SEMA5A: variants seen among roughly 807,000 people sequenced by gnomAD.
The protein encoded by SEMA5A is semaphorin-5A.
SEMA5A carries 55 observed loss-of-function variants against 135.5 expected under a neutral mutation model. The ratio of observed to expected loss-of-function variants is 0.41; its 90% CI spans 0.33 to 0.51. The LOEUF (loss-of-function observed/expected upper bound fraction) is 0.51, where lower values mean the gene tolerates loss of function less well. Among genes scored for constraint, SEMA5A ranks in the 20% least tolerant of loss-of-function variants. SEMA5A has a pLI of 0.37. For missense variants in SEMA5A, 1,290 were observed against 1,419.9 expected (o/e 0.91, Z 1.47); for synonymous variants, 580 against 546.5 (o/e 1.06, Z -0.85).
At chr5:9,362,220 C>A (rs1238830873) in intron 3 of SEMA5A, among the ~76,000 whole-genome samples, 1 of 152,194 alleles carries the variant, frequency 6.6e-6, no homozygotes, top group African/African-American at 2.4e-5. Flanking sequence ...TCTCCCATCC[C>A]TGAGCATGTT....
intron 8 of SEMA5A, among the ~76,000 whole-genome samples, chr5:9,213,625 C>T (rs557208385): frequency 6.6e-6 from 1 of 152,244 alleles, no homozygotes; most frequent in Admixed American, 6.5e-5. Context: ...TACCTGCTGC[C>T]CATTTTGTGA....
At chr5:9,498,351 G>T (rs1243682065) in intron 1 of SEMA5A, 1 of 152,086 alleles carries the variant, frequency 6.6e-6, no homozygotes, top group Non-Finnish European at 1.5e-5. Flanking sequence ...CACCACGAGG[G>T]GAAAAGGACT....
intron 1 of SEMA5A, among the ~76,000 whole-genome samples, chr5:9,491,379 T>C (rs1434348462): frequency 6.6e-6 from 1 of 152,118 alleles, no homozygotes; most frequent in Admixed American, 6.6e-5. Flanking sequence ...TGAACCCTAA[T>C]GTAAACTATG....
intron 3 of SEMA5A, among the ~76,000 whole-genome samples, chr5:9,362,220 C>T (rs1238830873): frequency 6.6e-6 from 1 of 152,194 alleles, no homozygotes; most frequent in Non-Finnish European, 1.5e-5. Flanking sequence ...TCTCCCATCC[C>T]TGAGCATGTT....
At chr5:9,230,265 G>T (rs1194395110) in intron 6 of SEMA5A, among the ~76,000 whole-genome samples, 1 of 146,580 alleles carries the variant, frequency 6.8e-6, no homozygotes, top group Non-Finnish European at 1.5e-5. Context: ...CTCCCAAAGT[G>T]CTGGGATTGC....
intron 5 of SEMA5A, among the ~76,000 whole-genome samples, chr5:9,263,582 C>T (rs902430037): frequency 6.6e-6 from 1 of 152,206 alleles, no homozygotes; most frequent in Non-Finnish European, 1.5e-5. Context: ...GTCAAGAAGA[C>T]TGGGGACCAC....
At chr5:9,165,430 GT>G (rs1743549122) in intron 11 of SEMA5A, among the ~76,000 whole-genome samples, 1 of 152,108 alleles carries the variant, frequency 6.6e-6, no homozygotes, top group Non-Finnish European at 1.5e-5. Flanking sequence ...TTTTGTTATA[GT>G]TTAAGGTATT....
chr5:9,457,294 A>G (rs1758875818), intron 1 of SEMA5A, among the ~76,000 whole-genome samples: 1 of 152,234 alleles, frequency 6.6e-6, no homozygotes, highest in Non-Finnish European at 1.5e-5. Flanking sequence ...ACCATGATCT[A>G]AGTTCAAACC....
At position 9,035,109 on chromosome 5, in the gene SEMA5A, CA is replaced by C. The variant is rs1195781833; in HGVS notation, c.*7787del. 1 of 152,478 alleles carries C rather than the reference CA, an allele frequency of 6.6e-6. No homozygotes were observed. The highest frequency in any genetic ancestry group is 1.5e-5 in the Non-Finnish European group (1 of 68,012). The allele number at this position is 152,478 out of a possible 1,614,324, so 9.4% of individuals were successfully genotyped here. On this transcript the variant is annotated 3_prime_UTR_variant, in exon 23 of 23. Transcript: ENST00000382496. Reference sequence around the variant, plus strand: ...AAACTATTTACATAAAACATAAGTACAAAAAATATAATACAATTTATACTGT... The same window carrying C: ...AAACTATTTACATAAAACATAAGTACAAAAATATAATACAATTTATACTGT...
chr5:9,190,990 G>A (rs554188759), intron 10 of SEMA5A, among the ~76,000 whole-genome samples: 1 of 152,244 alleles, frequency 6.6e-6, no homozygotes, highest in South Asian at 2.1e-4. Flanking sequence ...GCATTCACAT[G>A]GGCTACAAAA....
chr5:9,140,227 T>C (rs1012513494), intron 12 of SEMA5A, among the ~76,000 whole-genome samples: 4 of 152,244 alleles, frequency 2.6e-5, no homozygotes, highest in Non-Finnish European at 4.4e-5. Context: ...ATCAGTCTCA[T>C]TGAATAAAAC....
intron 13 of SEMA5A, among the ~76,000 whole-genome samples, chr5:9,131,474 G>C (rs905895126): frequency 1.3e-5 from 2 of 151,790 alleles, no homozygotes; most frequent in African/African-American, 4.8e-5. Flanking sequence ...CGGGTGTGGT[G>C]GTGGGCACCT....
chr5:9,183,673 C>T (rs925705572), intron 11 of SEMA5A, among the ~76,000 whole-genome samples: 2 of 152,332 alleles, frequency 1.3e-5, no homozygotes, highest in South Asian at 4.1e-4. Context: ...CATTATGCTC[C>T]ATTGCACCCC....
chr5:9,484,629 T>A (rs938940040), intron 1 of SEMA5A, among the ~76,000 whole-genome samples: 2 of 152,232 alleles, frequency 1.3e-5, no homozygotes, highest in African/African-American at 4.8e-5. Context: ...TTAATCATTA[T>A]AAATGCCATC....
intron 3 of SEMA5A, among the ~76,000 whole-genome samples, chr5:9,374,928 C>T (rs1221916309): frequency 2.0e-5 from 3 of 152,102 alleles, no homozygotes; most frequent in Non-Finnish European, 4.4e-5. Flanking sequence ...TCCTACAGCA[C>T]CGGGGTCTCT....
chr5:9,083,640 G>C (rs1738518709), intron 16 of SEMA5A, among the ~76,000 whole-genome samples: 1 of 150,938 alleles, frequency 6.6e-6, no homozygotes, highest in Non-Finnish European at 1.5e-5. Flanking sequence ...CCATCTTTCA[G>C]TTATCACTGT....
At chr5:9,320,325 G>T (rs1371315005) in intron 4 of SEMA5A, among the ~76,000 whole-genome samples, 1 of 152,164 alleles carries the variant, frequency 6.6e-6, no homozygotes. Flanking sequence ...AGCCCTCTAT[G>T]TAGAACCAGG....
chr5:9,274,912 A>C (rs958253706), intron 5 of SEMA5A, among the ~76,000 whole-genome samples: 1 of 152,140 alleles, frequency 6.6e-6, no homozygotes, highest in African/African-American at 2.4e-5. Flanking sequence ...TTACATCAAA[A>C]TTAATAGAAC....
chr5:9,277,108 A>G (rs1242065837), intron 5 of SEMA5A, among the ~76,000 whole-genome samples: 1 of 152,156 alleles, frequency 6.6e-6, no homozygotes. Context: ...ACTCAAACAA[A>G]TTTACACGGA....
Sources: allele counts gnomAD v4.1 joint callset (sites outside exome capture counted in the v4.1 genomes callset), GRCh38; gene constraint gnomAD v4.1.1; transcripts MANE v1.5; gene names NCBI Gene and HGNC (gene_info 2026-07-23, HGNC 2026-07-21).